The following ARMC2 variants were observed in gnomAD, a reference collection of about 807,000 sequenced individuals.
ARMC2 encodes the protein armadillo repeat containing 2, also known as armadillo repeat-containing protein 2.
ARMC2 carries 67 observed loss-of-function variants against 90.3 expected under a neutral mutation model. That is an observed-to-expected ratio of 0.74 (90% CI 0.61 to 0.91). The LOEUF (loss-of-function observed/expected upper bound fraction) is 0.91, where lower values mean the gene tolerates loss of function less well. Ranked by LOEUF, ARMC2 falls within the 40% of genes least tolerant of loss-of-function variation. ARMC2 has a pLI of 0.00. For synonymous variants in ARMC2, 393 were observed against 393.0 expected (o/e 1.00, Z 0.00); for missense variants, 920 against 1,030.9 (o/e 0.89, Z 1.47).
Position 108,973,971 on chromosome 6 carries a change from C to T in ARMC2, c.*457C>T, listed in dbSNP as rs1018143223. On this transcript the variant is annotated 3_prime_UTR_variant, in exon 18 of 18. Coordinates refer to ENST00000392644, the MANE Select transcript of ARMC2 (RefSeq NM_032131.6). The stretch of plus-strand genomic sequence containing the variant: ...TTCTTACTATGTCAAATAATAAATG[C>T]TCTCATTAGGTACCAGTATTTTTTT... 6.6e-6 allele frequency: 1 copy of T among 152,326 alleles called. No homozygotes were observed. Among genetic ancestry groups the T allele is most frequent in the Non-Finnish European group, 1.5e-5 (1 of 68,142 alleles). 9.4% of individuals were successfully genotyped at this position (152,326 alleles called of 1,614,324 possible).
the ARMC2 span, among the ~76,000 whole-genome samples, chr6:108,981,482 C>T: frequency 6.6e-6 from 1 of 152,156 alleles, no homozygotes; most frequent in Non-Finnish European, 1.5e-5. Flanking sequence ...TTTTCACCCC[C>T]ACCAGCTCTT....
intron 1 of ARMC2, among the ~76,000 whole-genome samples, chr6:108,852,914 C>T (rs1279466829): frequency 2.0e-5 from 3 of 151,868 alleles, no homozygotes; most frequent in African/African-American, 7.3e-5. Context: ...AAATAATATA[C>T]AATATGTAGA....
Position 108,974,195 on chromosome 6 carries a change from G to A in ARMC2, c.*681G>A, listed in dbSNP as rs1446737676. 1.3e-5 allele frequency: 2 copies of A among 152,166 alleles called. No homozygotes were observed. Among genetic ancestry groups the A allele is most frequent in the African/African-American group, 4.8e-5 (2 of 41,444 alleles). The allele number at this position is 152,166 out of a possible 1,614,324, so 9.4% of individuals were successfully genotyped here. A position where few individuals can be genotyped will look rare whatever the true frequency, so the allele number is the denominator to read the frequency against. On this transcript the variant is annotated 3_prime_UTR_variant, in exon 18 of 18. Transcript: ENST00000392644. ...AGGTAATGTATTAGAAAGAATGCAGGCTTAGGTGAATGGTATACCTGAATC... is the reference window on the plus strand; with the variant it reads ...AGGTAATGTATTAGAAAGAATGCAGACTTAGGTGAATGGTATACCTGAATC...
chr6:109,023,436 A>C, the ARMC2 span, among the ~76,000 whole-genome samples: 1,329 of 152,336 alleles, frequency 8.7e-3, 25 homozygotes, highest in African/African-American at 0.03. Context: ...GTTAACCTCC[A>C]AAATATGATC....
the ARMC2 span, among the ~76,000 whole-genome samples, chr6:109,026,782 C>T: frequency 7.9e-5 from 12 of 152,120 alleles, no homozygotes; most frequent in African/African-American, 2.4e-4. Context: ...GGATTGCAGG[C>T]GTGAGCCACT....
the ARMC2 span, among the ~76,000 whole-genome samples, chr6:109,046,381 AG>A: frequency 1.3e-5 from 2 of 151,534 alleles, no homozygotes; most frequent in Non-Finnish European, 2.9e-5. Flanking sequence ...TCGTTCACTC[AG>A]TGCTCAATGG....
Position 108,973,607 on chromosome 6 carries a change from A to G in ARMC2, c.*93A>G. ...GTGAACATTTTTTTCAGCATTAACAAATGTGGAAAGTTTTTCAAGAACTGG... is the reference window on the plus strand; with the variant it reads ...GTGAACATTTTTTTCAGCATTAACAGATGTGGAAAGTTTTTCAAGAACTGG... On this transcript the variant is annotated 3_prime_UTR_variant, in exon 18 of 18. Coordinates refer to ENST00000392644, the MANE Select transcript of ARMC2 (RefSeq NM_032131.6). 4.6e-6 allele frequency: 6 copies of G among 1,303,138 alleles called. No individual in the cohort carries two copies. Among genetic ancestry groups the G allele is most frequent in the Non-Finnish European group, 6.2e-6 (6 of 970,548 alleles). The allele number at this position is 1,303,138 out of a possible 1,614,324, so 80.7% of individuals were successfully genotyped here. A position where few individuals can be genotyped will look rare whatever the true frequency, so the allele number is the denominator to read the frequency against.
At chr6:108,963,686 A>C (rs1180630436) in intron 15 of ARMC2, among the ~76,000 whole-genome samples, 1 of 152,030 alleles carries the variant, frequency 6.6e-6, no homozygotes, top group East Asian at 1.9e-4. Flanking sequence ...CTGCCTTGAG[A>C]TGTCCCTACA....
chr6:108,867,381 G>A (rs1775922535), intron 3 of ARMC2, among the ~76,000 whole-genome samples: 2 of 152,130 alleles, frequency 1.3e-5, no homozygotes, highest in African/African-American at 2.4e-5. Flanking sequence ...TGTTAGTAAT[G>A]TTCCTCTACT....
chr6:108,911,194 T>C (rs1296626035), intron 9 of ARMC2, among the ~76,000 whole-genome samples, 193 bp downstream of exon 9: 1 of 152,214 alleles, frequency 6.6e-6, no homozygotes, highest in Admixed American at 6.5e-5. Context: ...CTGTGGTAGT[T>C]TGCTCTTTTC....
At position 108,886,151 on chromosome 6, in the gene ARMC2, C is replaced by CAT. The variant is rs374850221; in HGVS notation, c.672-8316_672-8315insAT. 4.2e-3 allele frequency among the ~76,000 whole-genome samples: 639 copies of CAT among 152,346 alleles called. 3 individuals are homozygous for CAT. Among genetic ancestry groups the CAT allele is most frequent in the African/African-American group, 0.014 (599 of 41,576 alleles). On this transcript the variant is annotated intron_variant, in intron 5 of 17. Coordinates refer to ENST00000392644, the MANE Select transcript of ARMC2 (RefSeq NM_032131.6). ...ATAAGCATCCTTTACAATTTCCTTA[C>CAT]GTCATTTTTTCCAAAATGGAAATAA...
chr6:108,919,843 G>A (rs1218051098), intron 10 of ARMC2, among the ~76,000 whole-genome samples: 1 of 152,030 alleles, frequency 6.6e-6, no homozygotes, highest in Non-Finnish European at 1.5e-5. Flanking sequence ...GATAAGCTCT[G>A]CCTGTTCTAA....
the ARMC2 span, among the ~76,000 whole-genome samples, chr6:109,038,985 AAGG>A: frequency 6.0e-4 from 90 of 151,024 alleles, no homozygotes; most frequent in South Asian, 2.5e-3. Flanking sequence ...GAAAAAGAAG[AAGG>A]AGGAGGAGGA....
rs11970504 is a variant in ARMC2 at position 108,971,482 on chromosome 6, G to T, written c.2447-1875G>T. Among the ~76,000 whole-genome samples the T allele has an allele frequency of 7.0e-3, 1,059 of 152,290 alleles. 12 individuals are homozygous for T. The highest frequency in any genetic ancestry group is 0.024 in the African/African-American group (992 of 41,560). ...GAGGAAGGTACAAACTGGGATTCCA[G>T]ACTCCCTTATCTTATTTTGGGTGGT... On this transcript the variant is annotated intron_variant, in intron 17 of 17. Transcript: ENST00000392644.
At chr6:108,872,477 C>T (rs1171156437) in intron 4 of ARMC2, among the ~76,000 whole-genome samples, 1 of 152,196 alleles carries the variant, frequency 6.6e-6, no homozygotes, top group East Asian at 1.9e-4. Flanking sequence ...TGCCTCCATC[C>T]CTCTTGCCTC....
the ARMC2 span, among the ~76,000 whole-genome samples, chr6:108,996,382 TAG>T: frequency 2.0e-5 from 3 of 152,168 alleles, no homozygotes; most frequent in Non-Finnish European, 4.4e-5. Context: ...ATTCCTGACA[TAG>T]AGTCAGTAAC....
At chr6:108,930,890 C>T (rs897824298) in intron 11 of ARMC2, among the ~76,000 whole-genome samples, 39 of 150,794 alleles carry the variant, frequency 2.6e-4, no homozygotes, top group Admixed American at 1.8e-3. Flanking sequence ...CCACCGCACC[C>T]GGCCCCCACC....
the ARMC2 span, chr6:109,001,547 A>C: frequency 7.2e-7 from 1 of 1,398,018 alleles, no homozygotes. Context: ...AAGGGAAGAA[A>C]ATATACATGC....
chr6:108,869,464 T>C (rs1028498253), intron 4 of ARMC2, among the ~76,000 whole-genome samples: 3 of 151,998 alleles, frequency 2.0e-5, no homozygotes, highest in African/African-American at 7.3e-5. Context: ...GCTGAGATCG[T>C]GCCACTGCAC....
Sources: gnomAD v4.1 joint callset for allele counts (sites outside exome capture counted in the v4.1 genomes callset) on GRCh38, gnomAD v4.1.1 for gene constraint, MANE v1.5 for transcripts, NCBI Gene and HGNC (gene_info 2026-07-23, HGNC 2026-07-21) for gene names.